BRD10: variants seen among roughly 807,000 people sequenced by gnomAD.
BRD10 encodes the protein uncharacterized bromodomain-containing protein 10.
At chr9:5,947,641 G>C in the BRD10 span, among the ~76,000 whole-genome samples, 1 of 151,810 alleles carries the variant, frequency 6.6e-6, no homozygotes, top group Non-Finnish European at 1.5e-5. Context: ...AATATATAGA[G>C]TCAAATTAAC....
chr9:5,939,792 C>T, the BRD10 span, among the ~76,000 whole-genome samples: 38,685 of 152,050 alleles, frequency 0.25, 5,171 homozygotes, highest in South Asian at 0.36. Flanking sequence ...TGTCTGTGCA[C>T]TGTAGGATCA....
chr9:5,942,726 A>G, the BRD10 span, among the ~76,000 whole-genome samples: 13 of 152,344 alleles, frequency 8.5e-5, no homozygotes, highest in East Asian at 2.5e-3. Context: ...GGTGGAAAAC[A>G]TATTTTAAAA....
chr9:5,883,355 A>G, the BRD10 span, among the ~76,000 whole-genome samples: 1 of 152,188 alleles, frequency 6.6e-6, no homozygotes, highest in Non-Finnish European at 1.5e-5. Context: ...GACAAAGATG[A>G]ACATGAACAA....
chr9:5,968,856 C>T, the BRD10 span: 7 of 1,613,482 alleles, frequency 4.3e-6, no homozygotes, highest in South Asian at 1.1e-5. Context: ...CCAAGAATAA[C>T]TTCCCTGCAT....
the BRD10 span, among the ~76,000 whole-genome samples, chr9:5,982,972 T>G: frequency 6.6e-6 from 1 of 152,168 alleles, no homozygotes; most frequent in African/African-American, 2.4e-5. Flanking sequence ...ATTTTTATTG[T>G]TTTTTTCCCC....
the BRD10 span, among the ~76,000 whole-genome samples, chr9:5,912,006 T>A: frequency 6.6e-6 from 1 of 152,214 alleles, no homozygotes. Flanking sequence ...AATAATTGAG[T>A]CTTTCAATCT....
At chr9:5,922,221 T>C in the BRD10 span, 4 of 1,614,002 alleles carry the variant, frequency 2.5e-6, no homozygotes, top group Middle Eastern at 4.9e-4. Flanking sequence ...GAATCAGCAG[T>C]CTGTTGTGCA....
the BRD10 span, chr9:5,968,747 G>T: frequency 6.2e-7 from 1 of 1,613,836 alleles, no homozygotes; most frequent in Non-Finnish European, 8.5e-7. Flanking sequence ...GGGTGGAATT[G>T]GAAATTCTGG....
the BRD10 span, among the ~76,000 whole-genome samples, chr9:5,962,420 T>G: frequency 1.9e-5 from 2 of 103,166 alleles, no homozygotes; most frequent in African/African-American, 7.6e-5. Context: ...TAATCAATAG[T>G]TTACCAACCA....
At chr9:5,933,992 A>G in the BRD10 span, 1 of 340,912 alleles carries the variant, frequency 2.9e-6, no homozygotes, top group African/African-American at 2.1e-5. Flanking sequence ...AACTTAGGTG[A>G]AAGTCACTTG....
chr9:5,992,257 T>C, the BRD10 span, among the ~76,000 whole-genome samples: 1 of 152,184 alleles, frequency 6.6e-6, no homozygotes, highest in African/African-American at 2.4e-5. Context: ...GCCCTCAAAC[T>C]GTGCCCTATA....
chr9:5,950,004 T>A, the BRD10 span, among the ~76,000 whole-genome samples: 1 of 152,182 alleles, frequency 6.6e-6, no homozygotes, highest in South Asian at 2.1e-4. Context: ...TATTCTATAA[T>A]TATCACTAAA....
chr9:5,886,060 C>T, the BRD10 span, among the ~76,000 whole-genome samples: 8 of 152,312 alleles, frequency 5.3e-5, no homozygotes, highest in South Asian at 2.1e-4. Context: ...GGACCGAAAG[C>T]GGAAGCCCGA....
At chr9:5,993,996 T>G in the BRD10 span, among the ~76,000 whole-genome samples, 2 of 152,102 alleles carry the variant, frequency 1.3e-5, no homozygotes, top group Non-Finnish European at 2.9e-5. Flanking sequence ...AGCTTCTGTC[T>G]ACATTTATGT....
chr9:5,983,863 G>T, the BRD10 span, among the ~76,000 whole-genome samples: 1 of 151,820 alleles, frequency 6.6e-6, no homozygotes, highest in Non-Finnish European at 1.5e-5. Context: ...AAGGAAGTCA[G>T]CAGGCTTCTT....
At chr9:5,938,538 T>G in the BRD10 span, among the ~76,000 whole-genome samples, 1 of 152,212 alleles carries the variant, frequency 6.6e-6, no homozygotes, top group Non-Finnish European at 1.5e-5. Context: ...TCCTTGACTA[T>G]AGGAACTTAG....
At chr9:5,958,593 G>A in the BRD10 span, among the ~76,000 whole-genome samples, 3 of 152,104 alleles carry the variant, frequency 2.0e-5, no homozygotes, top group South Asian at 2.1e-4. Flanking sequence ...TCGAGGCCAG[G>A]TGGGCAACAT....
the BRD10 span, chr9:6,007,802 A>G: frequency 1.3e-6 from 2 of 1,486,868 alleles, no homozygotes. Flanking sequence ...CGGCAGGCCT[A>G]GGCTGGGCGG....
the BRD10 span, among the ~76,000 whole-genome samples, chr9:5,910,891 G>C: frequency 6.6e-6 from 1 of 152,290 alleles, no homozygotes; most frequent in African/African-American, 2.4e-5. Context: ...CATGATGCAA[G>C]GAGCCTGGGT....
Sources: allele counts gnomAD v4.1 joint callset (sites outside exome capture counted in the v4.1 genomes callset), GRCh38; gene constraint gnomAD v4.1.1; transcripts MANE v1.5; gene names NCBI Gene and HGNC (gene_info 2026-07-23, HGNC 2026-07-21).